Variants in C8orf34 observed in about 807,000 individuals in gnomAD.
The protein encoded by C8orf34 is chromosome 8 open reading frame 34.
C8orf34 carries 65 observed loss-of-function variants against 68.3 expected under a neutral mutation model. The observed-to-expected ratio is 0.95, with a 90% CI of 0.78 to 1.17. The LOEUF (loss-of-function observed/expected upper bound fraction) is 1.17, where lower values mean the gene tolerates loss of function less well. C8orf34 is among the 50% of genes most tolerant of loss of function. The pLI, the probability that C8orf34 is intolerant of heterozygous loss-of-function variation, is 0.00. For missense variants in C8orf34, 664 were observed against 655.4 expected, an observed-to-expected ratio of 1.01 and a Z score of -0.14; for synonymous variants, 244 against 241.2, an observed-to-expected ratio of 1.01 and a Z score of -0.11.
chr8:68,788,747 T>A (rs942979578), intron 12 of C8orf34, among the ~76,000 whole-genome samples: 3 of 151,924 alleles, frequency 2.0e-5, no homozygotes, highest in African/African-American at 7.3e-5. Context: ...TAGTCCCAGC[T>A]CCTTGGGAGG....
chr8:68,802,341 C>T (rs1235309024), intron 12 of C8orf34, among the ~76,000 whole-genome samples: 1 of 152,052 alleles, frequency 6.6e-6, no homozygotes, highest in Admixed American at 6.6e-5. Flanking sequence ...CTCAGGTGAT[C>T]CACCTGCCTC....
At chr8:68,614,021 T>G (rs912362586) in intron 7 of C8orf34, among the ~76,000 whole-genome samples, 1 of 152,264 alleles carries the variant, frequency 6.6e-6, no homozygotes, top group Non-Finnish European at 1.5e-5. Context: ...GGTTTTGATT[T>G]GCATTTCTCT....
intron 1 of C8orf34, among the ~76,000 whole-genome samples, chr8:68,360,043 A>G (rs940751157): frequency 2.0e-5 from 3 of 152,184 alleles, no homozygotes; most frequent in Non-Finnish European, 4.4e-5. Flanking sequence ...AGGAACCAAA[A>G]TAACACAAGA....
chr8:68,566,187 G>T (rs955262893), intron 7 of C8orf34, among the ~76,000 whole-genome samples: 1 of 152,056 alleles, frequency 6.6e-6, no homozygotes, highest in Non-Finnish European at 1.5e-5. Flanking sequence ...AGGTTTGGGG[G>T]TACATGTGAA....
At chr8:68,785,466 C>A (rs1460512681) in intron 11 of C8orf34, among the ~76,000 whole-genome samples, 1 of 152,070 alleles carries the variant, frequency 6.6e-6, no homozygotes, top group Non-Finnish European at 1.5e-5. Flanking sequence ...AATTGTTAAC[C>A]CGTACTCCTA....
intron 7 of C8orf34, chr8:68,534,859 G>A (rs907110155): frequency 9.5e-5 from 94 of 985,188 alleles, no homozygotes; most frequent in South Asian, 1.9e-4. Context: ...GCTGAAGACC[G>A]AGGATTGAGT....
At chr8:68,524,859 A>G (rs758085691) in intron 6 of C8orf34, among the ~76,000 whole-genome samples, 1 of 152,186 alleles carries the variant, frequency 6.6e-6, no homozygotes, top group Non-Finnish European at 1.5e-5. Flanking sequence ...TTAAATTGTA[A>G]TGTGAATTTG....
intron 9 of C8orf34, among the ~76,000 whole-genome samples, chr8:68,717,539 G>T (rs1445286326): frequency 2.0e-5 from 3 of 151,968 alleles, no homozygotes; most frequent in African/African-American, 7.2e-5. Flanking sequence ...TATTCTCAAG[G>T]TAAGAGGAGG....
intron 8 of C8orf34, among the ~76,000 whole-genome samples, chr8:68,674,986 G>C (rs1038503440): frequency 2.0e-5 from 3 of 151,952 alleles, no homozygotes; most frequent in Non-Finnish European, 2.9e-5. Flanking sequence ...TACAGGCCAG[G>C]AGACCATGGC....
At chr8:68,783,825 C>CA (rs538527825) in intron 11 of C8orf34, among the ~76,000 whole-genome samples, 3 of 151,670 alleles carry the variant, frequency 2.0e-5, no homozygotes, top group Non-Finnish European at 4.4e-5. Context: ...TCAACTTTGG[C>CA]AAAAAAAACT....
chr8:68,404,332 C>A (rs887719125), intron 1 of C8orf34, among the ~76,000 whole-genome samples: 1 of 152,060 alleles, frequency 6.6e-6, no homozygotes, highest in Non-Finnish European at 1.5e-5. Context: ...GTTGCCTGTT[C>A]ACTCTGATGA....
intron 8 of C8orf34, among the ~76,000 whole-genome samples, chr8:68,708,085 A>G (rs1375406755): frequency 1.3e-5 from 2 of 152,190 alleles, no homozygotes; most frequent in Non-Finnish European, 2.9e-5. Flanking sequence ...AAAATGTTAC[A>G]AGTTTCAGGA....
At chr8:68,419,410 G>A (rs1447265829) in intron 1 of C8orf34, among the ~76,000 whole-genome samples, 2 of 149,560 alleles carry the variant, frequency 1.3e-5, no homozygotes. Context: ...CATTGTGGAA[G>A]TCAGTGTGGT....
intron 5 of C8orf34, among the ~76,000 whole-genome samples, chr8:68,507,580 G>A (rs565261266): frequency 7.9e-5 from 12 of 152,220 alleles, no homozygotes; most frequent in Admixed American, 7.2e-4. Flanking sequence ...ATTGTTCTCC[G>A]CAGCTCTTGG....
chr8:68,794,523 T>A (rs1318741244), intron 12 of C8orf34, among the ~76,000 whole-genome samples: 1 of 115,444 alleles, frequency 8.7e-6, no homozygotes, highest in Non-Finnish European at 1.7e-5. Flanking sequence ...TTTTTTTTTT[T>A]AGACAGGCTC....
At chr8:68,460,463 G>A (rs192787439) in intron 3 of C8orf34, among the ~76,000 whole-genome samples, 1 of 152,200 alleles carries the variant, frequency 6.6e-6, no homozygotes, top group Non-Finnish European at 1.5e-5. Flanking sequence ...CGCAGCTGGA[G>A]ATCAGAGAAT....
chr8:68,801,965 T>G (rs78981508), intron 12 of C8orf34, among the ~76,000 whole-genome samples: 267 of 152,190 alleles, frequency 1.8e-3, no homozygotes, highest in East Asian at 0.011. Context: ...TATCCACACC[T>G]GAGATCATCT....
chr8:68,530,916 C>T (rs1379760655), intron 6 of C8orf34, among the ~76,000 whole-genome samples: 4 of 152,028 alleles, frequency 2.6e-5, no homozygotes, highest in Non-Finnish European at 5.9e-5. Flanking sequence ...TTTTTTCCCT[C>T]ACCTTTTTAC....
intron 3 of C8orf34, chr8:68,447,265 A>G (rs1811164366): frequency 6.6e-6 from 1 of 152,230 alleles, no homozygotes; most frequent in Non-Finnish European, 1.5e-5. Context: ...GCCACTCATG[A>G]GGGATTGACC....
Sources: allele counts gnomAD v4.1 joint callset (sites outside exome capture counted in the v4.1 genomes callset), GRCh38; gene constraint gnomAD v4.1.1; transcripts MANE v1.5; gene names NCBI Gene and HGNC (gene_info 2026-07-23, HGNC 2026-07-21).